KCNMB4: variants seen among roughly 807,000 people sequenced by gnomAD.
KCNMB4 encodes calcium-activated potassium channel subunit beta-4.
Under a neutral mutation model 20.7 loss-of-function variants are expected in KCNMB4, and 3 were observed. That is an observed-to-expected ratio of 0.14 (90% CI 0.07 to 0.37). The LOEUF (loss-of-function observed/expected upper bound fraction) is 0.37, where lower values mean the gene tolerates loss of function less well. KCNMB4 is among the 10% of genes least tolerant of loss of function. The pLI is 1.00. For synonymous variants in KCNMB4, 110 were observed against 113.4 expected, an observed-to-expected ratio of 0.97 and a Z score of 0.19; for missense variants, 168 against 265.9, an observed-to-expected ratio of 0.63 and a Z score of 2.56.
At chr12:70,417,368 T>C (rs1385227021) in intron 2 of KCNMB4, among the ~76,000 whole-genome samples, 1 of 152,140 alleles carries the variant, frequency 6.6e-6, no homozygotes, top group Non-Finnish European at 1.5e-5. Flanking sequence ...GCAGCAGCAT[T>C]GGAGGCTCCT....
chr12:70,401,602 A>G (rs898605909), intron 2 of KCNMB4, among the ~76,000 whole-genome samples: 1 of 145,924 alleles, frequency 6.9e-6, no homozygotes, highest in East Asian at 2.0e-4. Flanking sequence ...ATAACAAACC[A>G]CCCTAAACGT....
intron 1 of KCNMB4, among the ~76,000 whole-genome samples, chr12:70,369,515 C>G (rs1268312362): frequency 6.6e-6 from 1 of 152,124 alleles, no homozygotes; most frequent in African/African-American, 2.4e-5. Context: ...TCTAGATTCC[C>G]AACAGTGTCT....
chr12:70,397,721 C>A (rs780309446), intron 1 of KCNMB4, among the ~76,000 whole-genome samples: 1 of 152,142 alleles, frequency 6.6e-6, no homozygotes, highest in African/African-American at 2.4e-5. Flanking sequence ...ACCCATTTCT[C>A]CCCAAAAAAC....
chr12:70,380,594 T>G (rs1453673280), intron 1 of KCNMB4, among the ~76,000 whole-genome samples: 6 of 151,432 alleles, frequency 4.0e-5, no homozygotes, highest in African/African-American at 7.3e-5. Context: ...TACTCAGGAC[T>G]GTGTGATACT....
At chr12:70,381,847 A>T (rs1042185820) in intron 1 of KCNMB4, among the ~76,000 whole-genome samples, 1 of 152,210 alleles carries the variant, frequency 6.6e-6, no homozygotes, top group African/African-American at 2.4e-5. Context: ...ATTAAATTGT[A>T]CACTTTTAAT....
intron 1 of KCNMB4, among the ~76,000 whole-genome samples, chr12:70,386,893 A>G (rs926317066): frequency 6.6e-6 from 1 of 152,132 alleles, no homozygotes; most frequent in African/African-American, 2.4e-5. Context: ...GAGCACTAAG[A>G]TATTTTGGTT....
intron 1 of KCNMB4, among the ~76,000 whole-genome samples, chr12:70,379,150 T>G (rs145776319): frequency 6.6e-6 from 1 of 152,326 alleles, no homozygotes; most frequent in African/African-American, 2.4e-5. Context: ...GCACAATTTT[T>G]AAGGGCCGTA....
chr12:70,384,640 T>C (rs1266860101), intron 1 of KCNMB4, among the ~76,000 whole-genome samples: 1 of 152,156 alleles, frequency 6.6e-6, no homozygotes, highest in African/African-American at 2.4e-5. Context: ...ATCCCAACAC[T>C]TTCAGAAGTC....
At position 70,430,640 on chromosome 12, in the gene KCNMB4, G is replaced by T. The variant is rs906603152; in HGVS notation, c.620G>T (p.Arg207Leu). Residue 207 changes from arginine (R) to leucine (L), a missense_variant, in exon 3 of 3, where the codon CGC (arginine) becomes CTC (leucine). Transcript: ENST00000258111. ...LAVKAEAMKK[R>L]KFS Reference sequence around the variant, plus strand: ...GTCAAGGCGGAAGCCATGAAGAAGCGCAAGTTCTCTTAAAGGGGAAGGAGG... The same window carrying T: ...GTCAAGGCGGAAGCCATGAAGAAGCTCAAGTTCTCTTAAAGGGGAAGGAGG... The T allele has an allele frequency of 6.2e-7, 1 of 1,608,996 alleles. No homozygotes were observed. Among genetic ancestry groups the T allele is most frequent in the Non-Finnish European group, 8.5e-7 (1 of 1,178,710 alleles).
chr12:70,403,336 C>CT (rs1265507894), intron 2 of KCNMB4, among the ~76,000 whole-genome samples: 5 of 151,928 alleles, frequency 3.3e-5, no homozygotes, highest in African/African-American at 1.2e-4. Flanking sequence ...ATTTTATTTT[C>CT]TTTTTGTTTT....
chr12:70,433,954 G>T lies in KCNMB4; in HGVS notation c.*3301G>T, dbSNP rs150309964. The T allele has an allele frequency of 4.6e-5, 7 of 152,186 alleles. No homozygotes were observed. The highest frequency in any genetic ancestry group is 2.0e-4 in the Admixed American group (3 of 15,282). 9.4% of individuals were successfully genotyped at this position (152,186 alleles called of 1,614,324 possible). A position where few individuals can be genotyped will look rare whatever the true frequency, so the allele number is the denominator to read the frequency against. ...TTGCCTTAGAGACTGAAAAATATAC[G>T]CTTTTATAGGCCGGGGTTTTAGTTC... On this transcript the variant is annotated 3_prime_UTR_variant, in exon 3 of 3. Transcript: ENST00000258111.
intron 2 of KCNMB4, among the ~76,000 whole-genome samples, chr12:70,404,979 A>G (rs1868556486): frequency 6.6e-6 from 1 of 152,178 alleles, no homozygotes; most frequent in African/African-American, 2.4e-5. Flanking sequence ...ATCTACATTT[A>G]AGTTATAGGC....
intron 1 of KCNMB4, among the ~76,000 whole-genome samples, chr12:70,378,788 C>T (rs367641828): frequency 2.0e-4 from 31 of 152,248 alleles, no homozygotes; most frequent in African/African-American, 7.5e-4. Flanking sequence ...TCACCCATCT[C>T]GGCCTCCCAA....
chr12:70,433,113 C>G lies in KCNMB4; in HGVS notation c.*2460C>G, dbSNP rs1029439407. On this transcript the variant is annotated 3_prime_UTR_variant, in exon 3 of 3. Coordinates refer to ENST00000258111, the MANE Select transcript of KCNMB4 (RefSeq NM_014505.6). ...TGCTTACAGCCAATTAAATTTGAAG[C>G]ACCTTATTTATACTTGTTAAAGGTA... 7.9e-5 allele frequency: 12 copies of G among 151,980 alleles called. No homozygotes were observed. Among genetic ancestry groups the G allele is most frequent in the African/African-American group, 2.9e-4 (12 of 41,378 alleles). 9.4% of individuals were successfully genotyped at this position (151,980 alleles called of 1,614,324 possible).
chr12:70,396,893 G>A (rs1868358216), intron 1 of KCNMB4, among the ~76,000 whole-genome samples: 1 of 152,082 alleles, frequency 6.6e-6, no homozygotes, highest in African/African-American at 2.4e-5. Context: ...ACCGTGCTTT[G>A]GACTTTCATT....
At chr12:70,388,333 GTA>G (rs1352648856) in intron 1 of KCNMB4, among the ~76,000 whole-genome samples, 1 of 151,982 alleles carries the variant, frequency 6.6e-6, no homozygotes, top group Non-Finnish European at 1.5e-5. Flanking sequence ...TTTCTTTTGG[GTA>G]TATACCCAGC....
intron 1 of KCNMB4, among the ~76,000 whole-genome samples, chr12:70,382,432 C>CAAAAAA (rs397796979): frequency 5.7e-5 from 5 of 87,916 alleles, no homozygotes; most frequent in East Asian, 2.9e-4. Flanking sequence ...GACTCCGTCT[C>CAAAAAA]AAAAAAAAAA....
chr12:70,420,266 T>C (rs902882515), intron 2 of KCNMB4, among the ~76,000 whole-genome samples: 1 of 152,168 alleles, frequency 6.6e-6, no homozygotes, highest in Non-Finnish European at 1.5e-5. Context: ...ATAATCCCGA[T>C]GGATTTATGT....
rs57306622 is a variant in KCNMB4 at position 70,384,873 on chromosome 12, C to CAA, written c.337-15314_337-15313dup. ...TGAGCAACACAGTGAGACCCTGTCTCAAAAAAAAAAAAAAAAAAAAAAAGA... is the reference window on the plus strand; with the variant it reads ...TGAGCAACACAGTGAGACCCTGTCTCAAAAAAAAAAAAAAAAAAAAAAAAAGA... On this transcript the variant is annotated intron_variant, in intron 1 of 2. Transcript: ENST00000258111. Among the ~76,000 whole-genome samples, 637 of 73,686 alleles carry CAA rather than the reference C, an allele frequency of 8.6e-3. 3 individuals are homozygous for CAA. Among genetic ancestry groups the CAA allele is most frequent in the Middle Eastern group, 0.011 (1 of 90 alleles). 48.3% of individuals were successfully genotyped at this position (73,686 alleles called of 152,430 possible).
Sources: gnomAD v4.1 joint callset for allele counts (sites outside exome capture counted in the v4.1 genomes callset) on GRCh38, gnomAD v4.1.1 for gene constraint, MANE v1.5 for transcripts, NCBI Gene and HGNC (gene_info 2026-07-23, HGNC 2026-07-21) for gene names.